The following FANCC variants were observed in gnomAD, a reference collection of about 807,000 sequenced individuals.
FANCC encodes FA complementation group C, also known as Fanconi anemia group C protein.
Under a neutral mutation model 71.3 loss-of-function variants are expected in FANCC, and 55 were observed. That is an observed-to-expected ratio of 0.77 (90% confidence interval 0.62 to 0.97). The LOEUF is 0.97. Ranked by LOEUF, FANCC falls within the 50% of genes least tolerant of loss-of-function variation. FANCC has a pLI of 0.00. For missense variants in FANCC, 678 were observed against 670.9 expected (o/e 1.01, Z -0.12); for synonymous variants, 275 against 244.9 (o/e 1.12, Z -1.15).
At chr9:95,149,885 A>C (rs780791590) in intron 7 of FANCC, 38 bp downstream of exon 7, 1 of 1,564,240 alleles carries the variant, frequency 6.4e-7, no homozygotes, top group African/African-American at 1.3e-5. Flanking sequence ...AAGAAAAGGA[A>C]AAACGACGCA....
intron 4 of FANCC, among the ~76,000 whole-genome samples, chr9:95,188,542 T>C (rs1211925461): frequency 6.6e-6 from 1 of 152,188 alleles, no homozygotes; most frequent in East Asian, 1.9e-4. Flanking sequence ...GAAATTTCCA[T>C]CCAGTGAAAA....
At chr9:95,297,202 G>C (rs1158861222) in intron 1 of FANCC, among the ~76,000 whole-genome samples, 4 of 152,156 alleles carry the variant, frequency 2.6e-5, no homozygotes, top group Non-Finnish European at 5.9e-5. Context: ...AATACAAAAG[G>C]CAATTGTTTA....
rs190289303 is a variant in FANCC at position 95,116,590 on chromosome 9, C to T, written c.1072+725G>A. On this transcript the variant is annotated intron_variant, in intron 11 of 14. Coordinates refer to ENST00000289081, the MANE Select transcript of FANCC (RefSeq NM_000136.3). ...CCTCTCCTCCCATGCTCCAATAAGG[C>T]CCCTTTCTGGCTGGCGCAGTCTGTG... is the stretch of plus-strand genomic sequence containing the variant. 1.1e-3 allele frequency among the ~76,000 whole-genome samples: 167 copies of T among 152,342 alleles called. 1 individual carries two copies. The highest frequency in any genetic ancestry group is 3.6e-3 in the African/African-American group (151 of 41,584).
chr9:95,274,882 T>C (rs1396318642), intron 1 of FANCC, among the ~76,000 whole-genome samples: 3 of 152,072 alleles, frequency 2.0e-5, no homozygotes, highest in Non-Finnish European at 4.4e-5. Flanking sequence ...ATATCTGCAG[T>C]CCCTACATAG....
At chr9:95,290,719 A>G (rs905565737) in intron 1 of FANCC, among the ~76,000 whole-genome samples, 4 of 152,214 alleles carry the variant, frequency 2.6e-5, no homozygotes, top group African/African-American at 9.6e-5. Context: ...AGATTATAAA[A>G]AGACAAATTG....
At chr9:95,135,523 A>G in intron 7 of FANCC, 21 bp from the exon 8 acceptor site, 2 of 1,611,552 alleles carry the variant, frequency 1.2e-6, no homozygotes, top group Non-Finnish European at 1.7e-6. Context: ...GAAATAAACA[A>G]AATTTTAAAC....
intron 4 of FANCC, among the ~76,000 whole-genome samples, chr9:95,180,682 A>G (rs10821454): frequency 0.38 from 58,212 of 151,512 alleles, 11,791 homozygotes; most frequent in East Asian, 0.58. Flanking sequence ...TAAAATAACA[A>G]AAAGTATAGT....
At position 95,100,542 on chromosome 9, in the gene FANCC, G is replaced by C. The variant is rs1161449056; in HGVS notation, c.*1165C>G. ...CTTGACAAACAGAATAGACACAAAA[G>C]AATGTACAACCAATACAATTCCAGA... is the stretch of plus-strand genomic sequence containing the variant. On this transcript the variant is annotated 3_prime_UTR_variant, in exon 15 of 15. Transcript: ENST00000289081. 10 of 231,660 alleles carry C rather than the reference G, an allele frequency of 4.3e-5. No individual in the cohort carries two copies. Among genetic ancestry groups the C allele is most frequent in the African/African-American group, 2.2e-4 (10 of 45,266 alleles). The allele number at this position is 231,660 out of a possible 1,614,324, so 14.4% of individuals were successfully genotyped here.
chr9:95,203,736 A>G (rs1468791569), intron 4 of FANCC, among the ~76,000 whole-genome samples: 1 of 152,232 alleles, frequency 6.6e-6, no homozygotes, highest in Admixed American at 6.5e-5. Context: ...GTTTTCCAAA[A>G]CAAAACAAAA....
In FANCC at chr9:95,182,287, G is replaced by A. The variant is rs189843823; in HGVS notation, c.346-10140C>T. On this transcript the variant is annotated intron_variant, in intron 4 of 14. Coordinates refer to ENST00000289081, the MANE Select transcript of FANCC (RefSeq NM_000136.3). ...TGTAATCCCAGTACTTTGGGAGGCC[G>A]AGGCAGGCGGATCACAAGGTCAGGA... 3.6e-4 allele frequency among the ~76,000 whole-genome samples: 55 copies of A among 151,420 alleles called. No individual in the cohort carries two copies. In the East Asian group the frequency reaches 8.2e-3, roughly 22 times the overall value.
intron 1 of FANCC, among the ~76,000 whole-genome samples, chr9:95,278,856 A>G (rs1188168012): frequency 6.6e-6 from 1 of 152,150 alleles, no homozygotes; most frequent in East Asian, 1.9e-4. Context: ...GAATAGTGAA[A>G]ACATCATTAA....
chr9:95,138,229 G>A (rs774133828), intron 7 of FANCC, among the ~76,000 whole-genome samples: 6 of 152,244 alleles, frequency 3.9e-5, no homozygotes. Flanking sequence ...GTTGGAGTGA[G>A]TACAGGACCA....
intron 10 of FANCC, among the ~76,000 whole-genome samples, chr9:95,122,678 A>T (rs1374331430): frequency 1.3e-5 from 2 of 152,208 alleles, no homozygotes; most frequent in Non-Finnish European, 2.9e-5. Context: ...GCCAACATAG[A>T]GGCTGAGGGT....
At chr9:95,223,023 C>A (rs1588306038) in intron 4 of FANCC, among the ~76,000 whole-genome samples, 1 of 152,196 alleles carries the variant, frequency 6.6e-6, no homozygotes. Context: ...AAAAATATTA[C>A]AATAAACATC....
intron 6 of FANCC, among the ~76,000 whole-genome samples, chr9:95,155,518 C>T (rs1186866585): frequency 1.3e-5 from 2 of 151,810 alleles, no homozygotes; most frequent in Admixed American, 1.3e-4. Context: ...GTATTTTTTC[C>T]CCTTTATTTA....
chr9:95,105,288 G>A (rs779977293), intron 14 of FANCC, among the ~76,000 whole-genome samples: 20 of 152,296 alleles, frequency 1.3e-4, no homozygotes, highest in Non-Finnish European at 2.4e-4. Flanking sequence ...GGACATTCAC[G>A]TTTCAGTCAG....
chr9:95,200,719 A>G (rs1827754823), intron 4 of FANCC, among the ~76,000 whole-genome samples: 1 of 152,240 alleles, frequency 6.6e-6, no homozygotes, highest in Admixed American at 6.5e-5. Flanking sequence ...AACAGCATTA[A>G]AATCTAAAGT....
intron 6 of FANCC, among the ~76,000 whole-genome samples, chr9:95,154,535 A>ACATTAT (rs1196871510): frequency 2.0e-5 from 3 of 152,236 alleles, no homozygotes; most frequent in African/African-American, 7.2e-5. Flanking sequence ...AACTGTACCT[A>ACATTAT]CATTATCTGC....
chr9:95,297,930 A>T (rs1675074283), intron 1 of FANCC, among the ~76,000 whole-genome samples: 1 of 152,242 alleles, frequency 6.6e-6, no homozygotes, highest in Admixed American at 6.5e-5. Context: ...AGATGGATTT[A>T]AAAGGACTTT....
Sources: gnomAD v4.1 joint callset for allele counts (sites outside exome capture counted in the v4.1 genomes callset) on GRCh38, gnomAD v4.1.1 for gene constraint, MANE v1.5 for transcripts, NCBI Gene and HGNC (gene_info 2026-07-23, HGNC 2026-07-21) for gene names.